Variants in WDR7 observed in about 807,000 individuals in gnomAD.
WDR7 encodes WD repeat domain 7.
A neutral mutation model predicts 169.4 loss-of-function variants in WDR7; 46 were observed. The observed-to-expected ratio is 0.27, with a 90% CI of 0.21 to 0.35. The LOEUF (loss-of-function observed/expected upper bound fraction) is 0.35. WDR7 is among the 10% of genes least tolerant of loss of function. WDR7 has a pLI of 1.00. For synonymous variants in WDR7, 612 were observed against 666.8 expected (o/e 0.92, Z 1.27); for missense variants, 1,534 against 1,859.3 (o/e 0.83, Z 3.22).
intron 26 of WDR7, among the ~76,000 whole-genome samples, chr18:57,009,415 G>A (rs1214986621): frequency 6.6e-6 from 1 of 152,090 alleles, no homozygotes; most frequent in African/African-American, 2.4e-5. Context: ...GGTTTTGGGG[G>A]AACAGGTGGT....
chr18:57,019,505 C>G (rs2048256643), intron 26 of WDR7, among the ~76,000 whole-genome samples: 1 of 152,134 alleles, frequency 6.6e-6, no homozygotes, highest in African/African-American at 2.4e-5. Context: ...GAGCCCAGTT[C>G]TATACCAACA....
At chr18:56,734,687 A>G (rs1421287665) in intron 14 of WDR7, among the ~76,000 whole-genome samples, 1 of 151,994 alleles carries the variant, frequency 6.6e-6, no homozygotes, top group African/African-American at 2.4e-5. Context: ...GTTAGTTCTT[A>G]CATTCTTTTT....
intron 1 of WDR7, chr18:56,651,809 T>C (rs1280305730): frequency 6.6e-6 from 1 of 152,380 alleles, no homozygotes; most frequent in Admixed American, 6.5e-5. Flanking sequence ...GTGAGTGATA[T>C]TTGCTACTTG....
intron 20 of WDR7, among the ~76,000 whole-genome samples, chr18:56,836,629 T>C (rs752919342): frequency 2.0e-5 from 3 of 152,186 alleles, no homozygotes; most frequent in Non-Finnish European, 4.4e-5. Context: ...TTCATTTTCT[T>C]GCGTCTATTT....
intron 22 of WDR7, among the ~76,000 whole-genome samples, chr18:56,932,178 C>T (rs1380874729): frequency 6.6e-6 from 1 of 152,196 alleles, no homozygotes; most frequent in Non-Finnish European, 1.5e-5. Context: ...CTCCAGGTCA[C>T]TGCAGAGCCC....
At chr18:57,016,438 A>G (rs934003862) in intron 26 of WDR7, among the ~76,000 whole-genome samples, 1 of 152,140 alleles carries the variant, frequency 6.6e-6, no homozygotes, top group Admixed American at 6.5e-5. Flanking sequence ...TTCCCCCTTA[A>G]AGAAAAAAAA....
intron 20 of WDR7, among the ~76,000 whole-genome samples, chr18:56,841,994 C>T (rs1018121056): frequency 2.6e-5 from 4 of 152,120 alleles, no homozygotes; most frequent in African/African-American, 9.7e-5. Context: ...ACCTCTTTTT[C>T]AGGAGCCTAG....
chr18:56,797,997 T>C (rs1253743419), intron 19 of WDR7, among the ~76,000 whole-genome samples: 1 of 152,200 alleles, frequency 6.6e-6, no homozygotes, highest in African/African-American at 2.4e-5. Context: ...TTTTATTACA[T>C]ATATGTCGCA....
chr18:56,970,311 T>C (rs1457395439), intron 26 of WDR7, among the ~76,000 whole-genome samples: 2 of 151,884 alleles, frequency 1.3e-5, no homozygotes, highest in African/African-American at 4.8e-5. Flanking sequence ...CATTCAAGAT[T>C]ATACTTACTG....
chr18:56,723,714 TG>T (rs1225736720), intron 13 of WDR7, among the ~76,000 whole-genome samples: 2 of 152,148 alleles, frequency 1.3e-5, no homozygotes, highest in African/African-American at 4.8e-5. Flanking sequence ...ATTGGATCCG[TG>T]GCTGTGTAGA....
At chr18:56,745,985 T>A (rs1479700586) in intron 14 of WDR7, among the ~76,000 whole-genome samples, 1 of 152,172 alleles carries the variant, frequency 6.6e-6, no homozygotes, top group Non-Finnish European at 1.5e-5. Flanking sequence ...AGTGTGTGAG[T>A]CAGGGACAAT....
chr18:56,933,070 G>T (rs2046912316), intron 22 of WDR7, among the ~76,000 whole-genome samples: 1 of 152,214 alleles, frequency 6.6e-6, no homozygotes. Flanking sequence ...GCTGGGGACA[G>T]ACTGGACTTC....
chr18:56,698,887 G>T (rs2025763919), intron 12 of WDR7, among the ~76,000 whole-genome samples: 1 of 151,998 alleles, frequency 6.6e-6, no homozygotes. Context: ...TTCTTGGGTG[G>T]GAGGACGGAG....
At chr18:56,948,036 A>G (rs992745697) in intron 25 of WDR7, among the ~76,000 whole-genome samples, 4 of 151,874 alleles carry the variant, frequency 2.6e-5, no homozygotes, top group Admixed American at 6.6e-5. Context: ...ATAAAGGATT[A>G]GGGTTTTTTT....
At chr18:56,924,279 TC>T (rs2046772856) in intron 22 of WDR7, among the ~76,000 whole-genome samples, 171 bp downstream of exon 22, 1 of 152,220 alleles carries the variant, frequency 6.6e-6, no homozygotes, top group Non-Finnish European at 1.5e-5. Context: ...GAAGCATGTT[TC>T]TATAATTTTA....
At chr18:56,945,573 G>A (rs1599180837) in intron 25 of WDR7, among the ~76,000 whole-genome samples, 2 of 152,330 alleles carry the variant, frequency 1.3e-5, no homozygotes, top group Admixed American at 1.3e-4. Flanking sequence ...CCTAGTAGCT[G>A]AGAGAACTGA....
rs780576391 is a variant in WDR7 at position 57,006,981 on chromosome 18, C to CT, written c.4165-13748dup. On this transcript the variant is annotated intron_variant, in intron 26 of 27. Coordinates refer to ENST00000254442, the MANE Select transcript of WDR7 (RefSeq NM_015285.3). ...ATTCCTTTTTTGTTATCTTTCCTAA[C>CT]TTTTTTTTTTTTTTTTGAGACGGAA... Among the ~76,000 whole-genome samples, 1,036 of 141,470 alleles carry CT rather than the reference C, an allele frequency of 7.3e-3. 10 individuals are homozygous for CT. The highest frequency in any genetic ancestry group is 0.018 in the African/African-American group (688 of 38,784). The allele number at this position is 141,470 out of a possible 152,430, so 92.8% of individuals were successfully genotyped here.
intron 23 of WDR7, among the ~76,000 whole-genome samples, chr18:56,938,313 C>T (rs1307678751): frequency 6.6e-6 from 1 of 152,136 alleles, no homozygotes; most frequent in Non-Finnish European, 1.5e-5. Flanking sequence ...GTTGTATTAA[C>T]GTCTCATATA....
At chr18:56,823,875 T>G (rs539066787) in intron 20 of WDR7, among the ~76,000 whole-genome samples, 2 of 152,322 alleles carry the variant, frequency 1.3e-5, no homozygotes, top group East Asian at 3.9e-4. Context: ...TTCTTCAGAT[T>G]ATCGTTGCAT....
Sources: allele counts gnomAD v4.1 joint callset (sites outside exome capture counted in the v4.1 genomes callset), GRCh38; gene constraint gnomAD v4.1.1; transcripts MANE v1.5; gene names NCBI Gene and HGNC (gene_info 2026-07-23, HGNC 2026-07-21).